UGGT2: variants seen among roughly 807,000 people sequenced by gnomAD.
UGGT2 encodes the protein UDP-glucose:glycoprotein glucosyltransferase 2.
UGGT2 carries 180 observed loss-of-function variants against 192.1 expected under a neutral mutation model. The ratio of observed to expected loss-of-function variants is 0.94; its 90% CI spans 0.83 to 1.06. The LOEUF is 1.06. Among genes scored for constraint, UGGT2 ranks in the 50% least tolerant of loss-of-function variants. The pLI, the probability that UGGT2 is intolerant of heterozygous loss-of-function variation, is 0.00. For synonymous variants in UGGT2, 580 were observed against 591.0 expected, an observed-to-expected ratio of 0.98 and a Z score of 0.27; for missense variants, 1,849 against 1,795.7, an observed-to-expected ratio of 1.03 and a Z score of -0.54.
At chr13:95,859,501 T>G in intron 33 of UGGT2, 90 bp downstream of exon 33, 1 of 1,088,542 alleles carries the variant, frequency 9.2e-7, no homozygotes, top group Non-Finnish European at 1.3e-6. Flanking sequence ...AAGCTTATTC[T>G]GAAAAGAGAA....
chr13:95,900,678 G>T, intron 22 of UGGT2, 129 bp downstream of exon 22: 1 of 919,696 alleles, frequency 1.1e-6, no homozygotes, highest in Non-Finnish European at 1.5e-6. Context: ...AGTTGTGTCT[G>T]GTGTCTTCAG....
intron 1 of UGGT2, among the ~76,000 whole-genome samples, chr13:96,047,787 T>C (rs1490316590): frequency 6.6e-6 from 1 of 152,144 alleles, no homozygotes; most frequent in Non-Finnish European, 1.5e-5. Context: ...AAGAGCTAAC[T>C]ATCCTAAATA....
At chr13:95,990,859 T>C (rs2051435316) in intron 7 of UGGT2, 1 of 152,348 alleles carries the variant, frequency 6.6e-6, no homozygotes. Context: ...TTTCTCCTAA[T>C]GCTATCCCTC....
intron 2 of UGGT2, among the ~76,000 whole-genome samples, chr13:96,024,733 G>C (rs1566836823): frequency 6.6e-6 from 1 of 152,164 alleles, no homozygotes; most frequent in South Asian, 2.1e-4. Flanking sequence ...TCATACAAAA[G>C]AACAGAGTTG....
At chr13:96,024,254 T>C (rs949863737) in intron 2 of UGGT2, among the ~76,000 whole-genome samples, 2 of 152,212 alleles carry the variant, frequency 1.3e-5, no homozygotes, top group African/African-American at 4.8e-5. Context: ...CAAAACTAAA[T>C]GTCATCTTGT....
At chr13:96,027,336 T>C (rs188696295) in intron 2 of UGGT2, among the ~76,000 whole-genome samples, 1 of 152,214 alleles carries the variant, frequency 6.6e-6, no homozygotes, top group African/African-American at 2.4e-5. Context: ...GATTCAGGAG[T>C]TTATAGAAAG....
chr13:96,001,974 TG>T (rs2051820363), intron 5 of UGGT2, among the ~76,000 whole-genome samples: 1 of 152,220 alleles, frequency 6.6e-6, no homozygotes, highest in African/African-American at 2.4e-5. Flanking sequence ...GAATAATACA[TG>T]TGACATGAAA....
intron 10 of UGGT2, chr13:95,983,427 T>C: frequency 3.5e-6 from 1 of 287,452 alleles, no homozygotes; most frequent in Non-Finnish European, 6.8e-6. Context: ...ACTGATAAAT[T>C]GTATTCTATC....
chr13:95,945,073 T>C (rs2049820182), intron 15 of UGGT2, among the ~76,000 whole-genome samples: 1 of 152,162 alleles, frequency 6.6e-6, no homozygotes, highest in African/African-American at 2.4e-5. Context: ...TAACTTTCTG[T>C]CTTTTTATAT....
At chr13:95,828,232 T>C (rs1026708371) in intron 38 of UGGT2, among the ~76,000 whole-genome samples, 1 of 152,024 alleles carries the variant, frequency 6.6e-6, no homozygotes, top group Admixed American at 6.6e-5. Flanking sequence ...AGATCTAAAA[T>C]TGATACCCTA....
intron 22 of UGGT2, among the ~76,000 whole-genome samples, chr13:95,900,079 TATC>T (rs2048059744): frequency 6.6e-6 from 1 of 152,136 alleles, no homozygotes; most frequent in Non-Finnish European, 1.5e-5. Context: ...GAAATAAGAC[TATC>T]ATATTAAAAA....
intron 38 of UGGT2, among the ~76,000 whole-genome samples, chr13:95,806,729 T>A (rs1278536170): frequency 1.3e-5 from 2 of 152,072 alleles, no homozygotes; most frequent in Non-Finnish European, 2.9e-5. Flanking sequence ...CAGAAATAAA[T>A]CCTTGCATAT....
chr13:95,899,593 G>A (rs992513385), intron 22 of UGGT2, among the ~76,000 whole-genome samples: 1 of 151,890 alleles, frequency 6.6e-6, no homozygotes, highest in African/African-American at 2.4e-5. Flanking sequence ...CAAGACATAG[G>A]ATAGCTTTTC....
chr13:95,898,902 T>A (rs189612210), intron 22 of UGGT2, among the ~76,000 whole-genome samples: 19 of 152,270 alleles, frequency 1.2e-4, no homozygotes, highest in African/African-American at 4.6e-4. Context: ...GATTATATAG[T>A]CTCAGGTATT....
chr13:95,877,706 C>A lies in UGGT2; in HGVS notation c.3379G>T (p.Ala1127Ser). The change falls in exon 28 of 39, where the codon GCA (alanine) becomes TCA (serine). Residue 1127 changes from alanine (A) to serine (S), a missense_variant. Transcript: ENST00000376747. The stretch of plus-strand genomic sequence containing the variant: ...AATTAAATAATACTTACATGATGTG[C>A]CATCACTATTGTATCAACCACAGCA... ...KPAVVDTIVM[A>S]HHGYFQLKAN... The A allele has an allele frequency of 1.2e-6, 2 of 1,611,780 alleles. No homozygotes were observed. Among genetic ancestry groups the A allele is most frequent in the Non-Finnish European group, 1.7e-6 (2 of 1,179,168 alleles).
At position 96,001,460 on chromosome 13, in the gene UGGT2, G is replaced by A. The variant is rs183948577; in HGVS notation, c.661-2153C>T. ...ATCTCCCTTCGCTGACTCTCTTTTC[G>A]GACTCAGCCCGCCTGCACCCAGGTG... On this transcript the variant is annotated intron_variant, in intron 5 of 38. Coordinates refer to ENST00000376747, the MANE Select transcript of UGGT2 (RefSeq NM_020121.4). Among the ~76,000 whole-genome samples, 72 of 151,948 alleles carry A rather than the reference G, an allele frequency of 4.7e-4. 1 individual carries two copies. The highest frequency in any genetic ancestry group is 1.3e-3 in the African/African-American group (55 of 41,392).
intron 14 of UGGT2, 49 bp from the exon 15 acceptor site, chr13:95,947,221 C>T (rs765604095): frequency 2.0e-6 from 3 of 1,485,868 alleles, no homozygotes; most frequent in Non-Finnish European, 2.7e-6. Flanking sequence ...TCTTGAATCA[C>T]AATAAACCAT....
intron 12 of UGGT2, among the ~76,000 whole-genome samples, chr13:95,961,349 T>C (rs2050385855): frequency 6.6e-6 from 1 of 152,116 alleles, no homozygotes; most frequent in Admixed American, 6.5e-5. Context: ...ATACACTGCC[T>C]TAAAGAAACT....
In UGGT2 at chr13:95,897,074, A is replaced by G. The variant is rs532181839; in HGVS notation, c.2635-1770T>C. On this transcript the variant is annotated intron_variant, in intron 22 of 38. Transcript: ENST00000376747. Reference sequence around the variant, plus strand: ...AGTCTACAAATGCCCATTATTTTTCATGATGCCCTTCAAATATTGAGAGAA... The same window carrying G: ...AGTCTACAAATGCCCATTATTTTTCGTGATGCCCTTCAAATATTGAGAGAA... Among the ~76,000 whole-genome samples the G allele has an allele frequency of 6.1e-4, 93 of 152,204 alleles. 1 individual carries two copies. The highest frequency in any genetic ancestry group is 1.9e-3 in the African/African-American group (78 of 41,556).
Sources: allele counts gnomAD v4.1 joint callset (sites outside exome capture counted in the v4.1 genomes callset), GRCh38; gene constraint gnomAD v4.1.1; transcripts MANE v1.5; gene names NCBI Gene and HGNC (gene_info 2026-07-23, HGNC 2026-07-21).